The following CCDC66 variants were observed in gnomAD, a reference collection of about 807,000 sequenced individuals.
CCDC66 encodes the protein coiled-coil domain containing 66, also known as coiled-coil domain-containing protein 66.
In CCDC66, 133 loss-of-function variants were observed where a neutral mutation model predicts 128.3. That is an observed-to-expected ratio of 1.04 (90% CI 0.90 to 1.20). The LOEUF (loss-of-function observed/expected upper bound fraction) is 1.20. CCDC66 is among the 50% of genes most tolerant of loss of function. The pLI, the probability that CCDC66 is intolerant of heterozygous loss-of-function variation, is 0.00. For synonymous variants in CCDC66, 387 were observed against 357.0 expected, an observed-to-expected ratio of 1.08 and a Z score of -0.95; for missense variants, 1,126 against 1,075.5, an observed-to-expected ratio of 1.05 and a Z score of -0.66.
intron 7 of CCDC66, among the ~76,000 whole-genome samples, chr3:56,573,397 A>G (rs916006150): frequency 1.3e-5 from 2 of 152,224 alleles, no homozygotes; most frequent in African/African-American, 4.8e-5. Flanking sequence ...CCTTCGGCCA[A>G]CCAGGAGCCA....
chr3:56,609,322 C>T (rs1348265056), intron 10 of CCDC66, among the ~76,000 whole-genome samples: 1 of 152,174 alleles, frequency 6.6e-6, no homozygotes, highest in Non-Finnish European at 1.5e-5. Flanking sequence ...TCCTGTTGGA[C>T]CAGGCCTTTT....
rs1185971184 is a variant in CCDC66, at chr3:56,576,245, T to G, written c.936+4943T>G. Among the ~76,000 whole-genome samples, 6 of 151,526 alleles carry G rather than the reference T, an allele frequency of 4.0e-5. No individual in the cohort carries two copies. The East Asian group carries it at 5.9e-4, about 15-fold the overall frequency. ...GTTTTCAGTGTACAAGTCTTACTCC[T>G]CCTTGGTTAAGTTTTTCTTTTTAAT... On this transcript the variant is annotated intron_variant, in intron 7 of 17. Coordinates refer to ENST00000394672, the MANE Select transcript of CCDC66 (RefSeq NM_001141947.3).
At position 56,619,370 on chromosome 3, in the gene CCDC66, T is replaced by G. The variant is rs751928891; in HGVS notation, c.2478T>G (p.Asn826Lys). The G allele has an allele frequency of 1.2e-5, 19 of 1,610,834 alleles. No homozygotes were observed. The South Asian group carries it at 2.1e-4, about 18-fold the overall frequency. ...PLKNSSYERE[N>K]LISGSNQTEL... ...AAAACAGTAGCTATGAGAGAGAGAA[T>G]TTGATCTCAGGAAGTAATCAAACAG... is the stretch of plus-strand genomic sequence containing the variant. The change falls in exon 16 of 18, where the codon AAT becomes AAG. Residue 826 changes from asparagine to lysine, a missense_variant. Transcript: ENST00000394672.
intron 7 of CCDC66, 32 bp downstream of exon 7, chr3:56,571,334 C>T (rs2066581804): frequency 2.2e-6 from 3 of 1,376,842 alleles, no homozygotes; most frequent in Admixed American, 2.3e-5. Context: ...TTTTAAAATA[C>T]TAAGCAGTGT....
intron 7 of CCDC66, among the ~76,000 whole-genome samples, chr3:56,587,927 C>G (rs1320794705): frequency 3.3e-5 from 5 of 152,142 alleles, no homozygotes; most frequent in African/African-American, 4.8e-5. Flanking sequence ...TTTGATTCAG[C>G]ATTCTCACTA....
Position 56,584,059 on chromosome 3 carries a change from G to A in CCDC66, c.937-8911G>A, listed in dbSNP as rs868423272. On this transcript the variant is annotated intron_variant, in intron 7 of 17. Transcript: ENST00000394672. ...TCCCGGACGGGGCGGCTGGCCGGGC[G>A]GGGGCTGCCCCCCACCTCCCTCCCG... 7.9e-4 allele frequency among the ~76,000 whole-genome samples: 109 copies of A among 137,832 alleles called. 1 individual carries two copies. The highest frequency in any genetic ancestry group is 2.6e-3 in the African/African-American group (98 of 37,620). The allele number at this position is 137,832 out of a possible 152,430, so 90.4% of individuals were successfully genotyped here.
intron 10 of CCDC66, among the ~76,000 whole-genome samples, chr3:56,598,658 T>G (rs1177175466): frequency 6.6e-6 from 1 of 152,092 alleles, no homozygotes; most frequent in Non-Finnish European, 1.5e-5. Flanking sequence ...TTTTTTCTTG[T>G]CTACTGAGAT....
At chr3:56,567,300 G>T (rs1031135078) in intron 6 of CCDC66, among the ~76,000 whole-genome samples, 1 of 152,190 alleles carries the variant, frequency 6.6e-6, no homozygotes, top group Non-Finnish European at 1.5e-5. Flanking sequence ...TGAGGCAGGA[G>T]AATTGCTTGA....
intron 3 of CCDC66, among the ~76,000 whole-genome samples, chr3:56,563,108 C>A (rs995577553): frequency 3.3e-5 from 5 of 151,802 alleles, no homozygotes; most frequent in Admixed American, 2.6e-4. Context: ...CGCCTGTAAT[C>A]CCAGCTCTTT....
At chr3:56,589,421 C>G (rs2070438701) in intron 7 of CCDC66, among the ~76,000 whole-genome samples, 1 of 151,988 alleles carries the variant, frequency 6.6e-6, no homozygotes, top group Non-Finnish European at 1.5e-5. Flanking sequence ...ATACCCAAAA[C>G]TAACATTTTT....
chr3:56,607,819 G>A (rs2074279040), intron 10 of CCDC66, among the ~76,000 whole-genome samples: 1 of 152,108 alleles, frequency 6.6e-6, no homozygotes, highest in South Asian at 2.1e-4. Context: ...TCCCTTGTAT[G>A]CTGATTTTGC....
intron 17 of CCDC66, chr3:56,620,821 G>C (rs1393086988): frequency 6.6e-6 from 1 of 152,220 alleles, no homozygotes; most frequent in African/African-American, 2.4e-5. Flanking sequence ...GGACCCTTCT[G>C]TTAGCATCTA....
intron 10 of CCDC66, among the ~76,000 whole-genome samples, chr3:56,606,421 A>G (rs1352764936): frequency 6.6e-6 from 1 of 152,082 alleles, no homozygotes; most frequent in Non-Finnish European, 1.5e-5. Flanking sequence ...ACCAGAGGGA[A>G]TCTCCTGGTC....
At chr3:56,601,815 A>T (rs1012199753) in intron 10 of CCDC66, among the ~76,000 whole-genome samples, 2 of 152,004 alleles carry the variant, frequency 1.3e-5, no homozygotes, top group Non-Finnish European at 2.9e-5. Flanking sequence ...TTGCACATTG[A>T]TTTTGTATCC....
At chr3:56,576,265 T>A (rs573675997) in intron 7 of CCDC66, among the ~76,000 whole-genome samples, 1 of 151,424 alleles carries the variant, frequency 6.6e-6, no homozygotes, top group South Asian at 2.1e-4. Context: ...AGTTTTTCTT[T>A]TTAATTTTTT....
chr3:56,604,324 G>T (rs950012902), intron 10 of CCDC66, among the ~76,000 whole-genome samples: 3 of 151,938 alleles, frequency 2.0e-5, no homozygotes, highest in African/African-American at 7.3e-5. Context: ...TCATTATGAT[G>T]CTAGCTGGTT....
chr3:56,615,044 A>G, intron 11 of CCDC66, 84 bp from the exon 12 acceptor site: 1 of 1,413,048 alleles, frequency 7.1e-7, no homozygotes, highest in Non-Finnish European at 9.8e-7. Flanking sequence ...ACATAGGAGA[A>G]GCTTAGAAAA....
chr3:56,581,573 T>C (rs913968922), intron 7 of CCDC66, among the ~76,000 whole-genome samples: 1 of 151,862 alleles, frequency 6.6e-6, no homozygotes, highest in Non-Finnish European at 1.5e-5. Context: ...TTGATGATGG[T>C]GACGTACAGA....
At chr3:56,575,587 A>C (rs2067246335) in intron 7 of CCDC66, among the ~76,000 whole-genome samples, 1 of 151,726 alleles carries the variant, frequency 6.6e-6, no homozygotes, top group Non-Finnish European at 1.5e-5. Flanking sequence ...AAAGTCTTTA[A>C]TTTTGATGAA....
Sources: allele counts gnomAD v4.1 joint callset (sites outside exome capture counted in the v4.1 genomes callset), GRCh38; gene constraint gnomAD v4.1.1; transcripts MANE v1.5; gene names NCBI Gene and HGNC (gene_info 2026-07-23, HGNC 2026-07-21).